Variants in PGAP1 observed in about 807,000 individuals in gnomAD.
The protein encoded by PGAP1 is post-GPI attachment to proteins inositol deacylase 1.
Under a neutral mutation model 127.0 loss-of-function variants are expected in PGAP1, and 76 were observed. The observed-to-expected ratio is 0.60, with a 90% CI of 0.50 to 0.72. The LOEUF is 0.72. Among genes scored for constraint, PGAP1 ranks in the 30% least tolerant of loss-of-function variants. The pLI is 0.00. For synonymous variants in PGAP1, 362 were observed against 366.5 expected (o/e 0.99, Z 0.14); for missense variants, 982 against 1,071.3 (o/e 0.92, Z 1.16).
intron 12 of PGAP1, among the ~76,000 whole-genome samples, chr2:196,883,952 G>A (rs1021614785): frequency 1.3e-5 from 2 of 152,096 alleles, no homozygotes; most frequent in African/African-American, 4.8e-5. Context: ...ATGAAAAGTA[G>A]GCAGCTGAAA....
rs374678391 is a variant in PGAP1 at position 196,865,000 on chromosome 2, A to G, written c.1848T>C (p.Ser616=). Residue 616 remains serine, a synonymous_variant, in exon 20 of 27, where the codon TCT becomes TCC. Transcript: ENST00000354764. The part of the protein sequence containing the change: ...ILLAYRGQLY[S]LFSTGCCLEY... ...AAGCATTCTTACCTGTTGAGAAAAG[A>G]GAATATAACTGTCCTCTATAAGCAA... 9.3e-5 allele frequency: 143 copies of G among 1,532,774 alleles called. No individual in the cohort carries two copies. The highest frequency in any genetic ancestry group is 4.7e-5 in the Admixed American group (2 of 42,186). 94.9% of individuals were successfully genotyped at this position (1,532,774 alleles called of 1,614,324 possible). A position where few individuals can be genotyped will look rare whatever the true frequency, so the allele number is the denominator to read the frequency against.
At position 196,880,167 on chromosome 2, in the gene PGAP1, AAAAG is replaced by A. The variant is rs754372166; in HGVS notation, c.1273-18_1273-15del. 10 of 1,429,874 alleles carry A rather than the reference AAAAG, an allele frequency of 7.0e-6. No homozygotes were observed. Among genetic ancestry groups the A allele is most frequent in the East Asian group, 2.4e-5 (1 of 41,292 alleles). The allele number at this position is 1,429,874 out of a possible 1,614,324, so 88.6% of individuals were successfully genotyped here. A position where few individuals can be genotyped will look rare whatever the true frequency, so the allele number is the denominator to read the frequency against. ...TAATGTCAGATACTAAAATAAAAAA[AAAAG>A]AAACTACTTTTATTTCTTAGAGATT... On this transcript the variant is annotated splice_polypyrimidine_tract_variant and intron_variant, in intron 12 of 26. Transcript: ENST00000354764.
Position 196,857,667 on chromosome 2 carries a change from A to T in PGAP1, c.1861+7320T>A, listed in dbSNP as rs139708555. Among the ~76,000 whole-genome samples, 318 of 152,332 alleles carry T rather than the reference A, an allele frequency of 2.1e-3. 2 individuals carry two copies. Among genetic ancestry groups the T allele is most frequent in the African/African-American group, 7.2e-3 (298 of 41,570 alleles). On this transcript the variant is annotated intron_variant, in intron 20 of 26. Coordinates refer to ENST00000354764, the MANE Select transcript of PGAP1 (RefSeq NM_024989.4). ...CAAACCCTGACAAATAGAGCTGAGG[A>T]AGGCTAAGAAGAGAGAGTTCTCACA...
intron 5 of PGAP1, 119 bp downstream of exon 5, chr2:196,902,466 C>T (rs992872396): frequency 4.0e-6 from 3 of 749,878 alleles, no homozygotes; most frequent in Admixed American, 3.0e-5. Context: ...CATGCCCACA[C>T]AGCAGTCCAA....
At chr2:196,842,346 T>C (rs1376874191) in intron 26 of PGAP1, among the ~76,000 whole-genome samples, 1 of 152,084 alleles carries the variant, frequency 6.6e-6, no homozygotes, top group Non-Finnish European at 1.5e-5. Flanking sequence ...TATGGAAAAT[T>C]TGAAACTACA....
chr2:196,845,207 T>C (rs1700522725), intron 23 of PGAP1, among the ~76,000 whole-genome samples: 1 of 151,954 alleles, frequency 6.6e-6, no homozygotes, highest in Admixed American at 6.6e-5. Context: ...AAATTTCCTT[T>C]GGAAAACTGA....
chr2:196,866,877 T>C (rs1356113227), intron 19 of PGAP1, among the ~76,000 whole-genome samples: 1 of 151,924 alleles, frequency 6.6e-6, no homozygotes, highest in African/African-American at 2.4e-5. Context: ...AAAATCATCG[T>C]ATGTTTTTTT....
intron 4 of PGAP1, among the ~76,000 whole-genome samples, chr2:196,905,373 T>C (rs1702661682): frequency 6.6e-6 from 1 of 152,198 alleles, no homozygotes; most frequent in Non-Finnish European, 1.5e-5. Flanking sequence ...ATTATTAAAA[T>C]TAAAATGTTT....
intron 20 of PGAP1, among the ~76,000 whole-genome samples, chr2:196,855,780 A>G (rs540897498): frequency 1.4e-4 from 22 of 152,266 alleles, no homozygotes; most frequent in Non-Finnish European, 3.1e-4. Flanking sequence ...TTATAAGTCC[A>G]ATAAAAATCT....
chr2:196,888,016 A>T (rs1335483845), intron 10 of PGAP1, among the ~76,000 whole-genome samples: 1 of 152,332 alleles, frequency 6.6e-6, no homozygotes, highest in East Asian at 1.9e-4. Flanking sequence ...CTGATATTCC[A>T]TACTACTTCG....
chr2:196,850,193 G>C (rs1293181707), intron 20 of PGAP1, among the ~76,000 whole-genome samples: 1 of 152,114 alleles, frequency 6.6e-6, no homozygotes, highest in African/African-American at 2.4e-5. Flanking sequence ...TGGTACCTTG[G>C]AGTACCAGCT....
At chr2:196,894,658 C>T (rs745618463) in intron 7 of PGAP1, among the ~76,000 whole-genome samples, 1 of 151,948 alleles carries the variant, frequency 6.6e-6, no homozygotes, top group Non-Finnish European at 1.5e-5. Context: ...AAAAATTAGC[C>T]GGGTATGGTG....
At chr2:196,844,967 T>C (rs1700517217) in intron 23 of PGAP1, among the ~76,000 whole-genome samples, 1 of 152,068 alleles carries the variant, frequency 6.6e-6, no homozygotes, top group Admixed American at 6.5e-5. Flanking sequence ...TAAAAGGATA[T>C]AACACATTTC....
intron 11 of PGAP1, 121 bp from the exon 12 acceptor site, chr2:196,885,596 T>A: frequency 1.4e-6 from 1 of 731,320 alleles, no homozygotes; most frequent in Non-Finnish European, 2.2e-6. Flanking sequence ...CTATTGAGCC[T>A]AATCCAATAT....
intron 4 of PGAP1, among the ~76,000 whole-genome samples, chr2:196,905,588 G>T (rs181000009): frequency 6.6e-6 from 1 of 152,176 alleles, no homozygotes; most frequent in African/African-American, 2.4e-5. Flanking sequence ...GATAATGCGG[G>T]AGGGAGGAGC....
rs1700391208 is a variant in PGAP1 at position 196,840,888 on chromosome 2, A to C, written c.*346T>G. The C allele has an allele frequency of 5.6e-6, 1 of 179,880 alleles. No homozygotes were observed. Among genetic ancestry groups the C allele is most frequent in the Non-Finnish European group, 1.2e-5 (1 of 86,910 alleles). The allele number at this position is 179,880 out of a possible 1,614,324, so 11.1% of individuals were successfully genotyped here. A position where few individuals can be genotyped will look rare whatever the true frequency, so the allele number is the denominator to read the frequency against. On this transcript the variant is annotated 3_prime_UTR_variant, in exon 27 of 27. Coordinates refer to ENST00000354764, the MANE Select transcript of PGAP1 (RefSeq NM_024989.4). The stretch of plus-strand genomic sequence containing the variant: ...AAATGAGCAGAATGCTTGCAGTGAG[A>C]CTGCAAATAATGCTGCATCTACTAA...
At chr2:196,858,397 G>A (rs1414173790) in intron 20 of PGAP1, among the ~76,000 whole-genome samples, 15 of 146,844 alleles carry the variant, frequency 1.0e-4, no homozygotes, top group East Asian at 2.0e-4. Flanking sequence ...GCAAGACTCC[G>A]TCTCAAAAAA....
chr2:196,878,693 G>A (rs1701638768), intron 13 of PGAP1, among the ~76,000 whole-genome samples: 1 of 152,128 alleles, frequency 6.6e-6, no homozygotes, highest in Non-Finnish European at 1.5e-5. Context: ...ATAAAGTCCT[G>A]AATCCTCCAA....
chr2:196,868,381 T>C (rs1701307507), intron 19 of PGAP1, among the ~76,000 whole-genome samples: 1 of 152,016 alleles, frequency 6.6e-6, no homozygotes, highest in Admixed American at 6.6e-5. Context: ...TTAAATGTTA[T>C]ACTGGGCTAC....
Sources: gnomAD v4.1 joint callset for allele counts (sites outside exome capture counted in the v4.1 genomes callset) on GRCh38, gnomAD v4.1.1 for gene constraint, MANE v1.5 for transcripts, NCBI Gene and HGNC (gene_info 2026-07-23, HGNC 2026-07-21) for gene names.